GMDS: variants seen among roughly 807,000 people sequenced by gnomAD.
The protein encoded by GMDS is GDP-mannose 4,6-dehydratase.
Under a neutral mutation model 49.9 loss-of-function variants are expected in GMDS, and 20 were observed. The ratio of observed to expected loss-of-function variants is 0.40; its 90% CI spans 0.28 to 0.58. The LOEUF is 0.58. Among genes scored for constraint, GMDS ranks in the 20% least tolerant of loss-of-function variants. The pLI, the probability that GMDS is intolerant of heterozygous loss-of-function variation, is 0.42. For synonymous variants in GMDS, 177 were observed against 178.6 expected, an observed-to-expected ratio of 0.99 and a Z score of 0.07; for missense variants, 362 against 481.4, an observed-to-expected ratio of 0.75 and a Z score of 2.32.
At chr6:2,145,467 G>A (rs971332465) in intron 1 of GMDS, among the ~76,000 whole-genome samples, 2 of 152,028 alleles carry the variant, frequency 1.3e-5, no homozygotes, top group African/African-American at 2.4e-5. Context: ...GAACCCAGGA[G>A]ATGGAGGTTG....
intron 7 of GMDS, among the ~76,000 whole-genome samples, chr6:1,800,595 C>G (rs1023104291): frequency 1.0e-4 from 15 of 147,896 alleles, no homozygotes; most frequent in African/African-American, 3.8e-4. Flanking sequence ...AGCCACCATG[C>G]CCAATTAATT....
rs544005786 is a variant in GMDS, at chr6:1,892,899, C to T, written c.771+37204G>A. Among the ~76,000 whole-genome samples, 57 of 152,338 alleles carry T rather than the reference C, an allele frequency of 3.7e-4. 1 individual carries two copies. The South Asian group carries it at 0.011, about 30-fold the overall frequency. On this transcript the variant is annotated intron_variant, in intron 7 of 10. Transcript: ENST00000380815. ...TTATGGCTGCTCCCAGATAAGACCGCTGCACAGAACCCAGTCCTGGCAACT... is the reference window on the plus strand; with the variant it reads ...TTATGGCTGCTCCCAGATAAGACCGTTGCACAGAACCCAGTCCTGGCAACT...
At chr6:2,114,216 ACTAT>A (rs563480033) in intron 4 of GMDS, among the ~76,000 whole-genome samples, 11 of 152,220 alleles carry the variant, frequency 7.2e-5, no homozygotes, top group Non-Finnish European at 1.5e-4. Context: ...GAGGTGATAA[ACTAT>A]CTATGATTAC....
chr6:1,792,914 A>G (rs12210361), intron 7 of GMDS, among the ~76,000 whole-genome samples: 5 of 152,202 alleles, frequency 3.3e-5, no homozygotes, highest in African/African-American at 9.7e-5. Context: ...GGACAATTAC[A>G]CAGCCTTTAC....
chr6:2,118,594 A>C (rs560116201), intron 2 of GMDS, among the ~76,000 whole-genome samples: 2 of 152,368 alleles, frequency 1.3e-5, no homozygotes, highest in East Asian at 3.9e-4. Context: ...AAATGTCATC[A>C]TTTTAAATGG....
intron 1 of GMDS, among the ~76,000 whole-genome samples, chr6:2,163,714 G>A (rs1777523900): frequency 6.6e-6 from 1 of 152,178 alleles, no homozygotes; most frequent in African/African-American, 2.4e-5. Flanking sequence ...TCAAATACCT[G>A]GTGATACCTA....
chr6:1,789,543 T>C (rs1170154099), intron 7 of GMDS, among the ~76,000 whole-genome samples: 3 of 46,524 alleles, frequency 6.4e-5, no homozygotes, highest in African/African-American at 3.4e-4. Context: ...TTTTTTTTTT[T>C]TTTTTTTTTC....
chr6:1,720,744 T>C (rs1766353932), intron 9 of GMDS, among the ~76,000 whole-genome samples: 2 of 152,122 alleles, frequency 1.3e-5, no homozygotes, highest in Non-Finnish European at 2.9e-5. Flanking sequence ...TGGCTCCCGC[T>C]GGTCAGAGAA....
chr6:1,821,395 T>G (rs1036883375), intron 7 of GMDS, among the ~76,000 whole-genome samples: 44 of 151,818 alleles, frequency 2.9e-4, no homozygotes, highest in African/African-American at 1.1e-3. Context: ...GGCAGCTCGC[T>G]GTCGTGGGCT....
intron 9 of GMDS, among the ~76,000 whole-genome samples, chr6:1,651,171 C>T (rs1763642664): frequency 6.6e-6 from 1 of 152,206 alleles, no homozygotes; most frequent in African/African-American, 2.4e-5. Flanking sequence ...AGGAGTGTGG[C>T]ATTGTGCTTG....
At chr6:2,101,729 A>G (rs1435475847) in intron 4 of GMDS, among the ~76,000 whole-genome samples, 2 of 152,150 alleles carry the variant, frequency 1.3e-5, no homozygotes, top group Non-Finnish European at 2.9e-5. Context: ...GGGCATTTAT[A>G]TTACACAAAT....
intron 9 of GMDS, among the ~76,000 whole-genome samples, chr6:1,724,008 T>G (rs1316248713): frequency 2.0e-5 from 3 of 152,188 alleles, no homozygotes; most frequent in Non-Finnish European, 1.5e-5. Context: ...AACAGGAGGC[T>G]GTCAAGTTGA....
intron 9 of GMDS, among the ~76,000 whole-genome samples, chr6:1,644,615 G>A (rs977643668): frequency 1.4e-4 from 22 of 152,200 alleles, no homozygotes; most frequent in African/African-American, 4.6e-4. Context: ...GCCAGGTACC[G>A]TCCCACAGGG....
intron 7 of GMDS, among the ~76,000 whole-genome samples, chr6:1,887,367 A>ATGT (rs1759657403): frequency 6.6e-6 from 1 of 152,152 alleles, no homozygotes; most frequent in Non-Finnish European, 1.5e-5. Flanking sequence ...AACACTTTAC[A>ATGT]AAACTGCAAG....
intron 6 of GMDS, among the ~76,000 whole-genome samples, chr6:1,959,268 C>T (rs1307526490): frequency 6.6e-6 from 1 of 152,082 alleles, no homozygotes; most frequent in Non-Finnish European, 1.5e-5. Flanking sequence ...TCTGAGGTGA[C>T]AGATATGCTA....
At chr6:2,081,690 T>G (rs943123686) in intron 4 of GMDS, among the ~76,000 whole-genome samples, 3 of 152,176 alleles carry the variant, frequency 2.0e-5, no homozygotes, top group Non-Finnish European at 2.9e-5. Context: ...CGATTTGCTT[T>G]TGTAGGCCTC....
At chr6:1,656,751 G>A (rs529063656) in intron 9 of GMDS, among the ~76,000 whole-genome samples, 6 of 151,140 alleles carry the variant, frequency 4.0e-5, no homozygotes, top group East Asian at 1.9e-4. Context: ...GCGACAGAGC[G>A]AGACTCTGTC....
At chr6:1,717,249 C>T (rs1041995678) in intron 9 of GMDS, among the ~76,000 whole-genome samples, 1 of 152,234 alleles carries the variant, frequency 6.6e-6, no homozygotes, top group Non-Finnish European at 1.5e-5. Context: ...TTACTTGTTA[C>T]ATCAGCAATA....
intron 6 of GMDS, 37 bp downstream of exon 6, chr6:1,959,830 G>T: frequency 8.2e-7 from 1 of 1,223,182 alleles, no homozygotes; most frequent in Non-Finnish European, 1.2e-6. Context: ...TGTTGTTCAA[G>T]TCTGAAATTC....
Sources: allele counts gnomAD v4.1 joint callset (sites outside exome capture counted in the v4.1 genomes callset), GRCh38; gene constraint gnomAD v4.1.1; transcripts MANE v1.5; gene names NCBI Gene and HGNC (gene_info 2026-07-23, HGNC 2026-07-21).